TASP1: variants seen among roughly 807,000 people sequenced by gnomAD.
The protein encoded by TASP1 is taspase 1, also known as threonine aspartase 1.
A neutral mutation model predicts 56.6 loss-of-function variants in TASP1; 16 were observed. That is an observed-to-expected ratio of 0.28 (90% confidence interval 0.19 to 0.43). The LOEUF (loss-of-function observed/expected upper bound fraction) is 0.43, where lower values mean the gene tolerates loss of function less well. Ranked by LOEUF, TASP1 falls within the 20% of genes least tolerant of loss-of-function variation. The pLI is 1.00. For missense variants in TASP1, 393 were observed against 511.6 expected (o/e 0.77, Z 2.24); for synonymous variants, 179 against 184.2 (o/e 0.97, Z 0.23).
chr20:13,140,304 G>T, the TASP1 span, among the ~76,000 whole-genome samples: 1 of 152,248 alleles, frequency 6.6e-6, no homozygotes, highest in East Asian at 1.9e-4. Flanking sequence ...GAGTTTGAGT[G>T]CACCCCAGTC....
intron 12 of TASP1, among the ~76,000 whole-genome samples, chr20:13,423,010 A>T (rs75325692): frequency 0.037 from 5,675 of 152,322 alleles, 132 homozygotes; most frequent in African/African-American, 0.058. Context: ...TAGCAATTCT[A>T]TTTCTAGATA....
At chr20:13,534,470 T>C (rs551395622) in intron 8 of TASP1, among the ~76,000 whole-genome samples, 2 of 152,272 alleles carry the variant, frequency 1.3e-5, no homozygotes, top group East Asian at 3.9e-4. Context: ...TTCTCAAGAA[T>C]TAAGTTCATG....
intron 11 of TASP1, among the ~76,000 whole-genome samples, chr20:13,447,570 T>C (rs1048324542): frequency 1.6e-4 from 24 of 152,238 alleles, no homozygotes; most frequent in Non-Finnish European, 1.8e-4. Flanking sequence ...CTTCAGACTT[T>C]GTGCCTGAAA....
At chr20:13,117,380 A>G in the TASP1 span, 1 of 884,858 alleles carries the variant, frequency 1.1e-6, no homozygotes, top group Non-Finnish European at 1.6e-6. Flanking sequence ...GCCAAATAAA[A>G]CATGCCTTCA....
chr20:13,239,852 A>T, the TASP1 span, among the ~76,000 whole-genome samples: 1 of 152,166 alleles, frequency 6.6e-6, no homozygotes, highest in Non-Finnish European at 1.5e-5. Flanking sequence ...CCAGTACCAG[A>T]CTCCAAAGCA....
At chr20:13,472,355 A>G (rs1301016572) in intron 11 of TASP1, among the ~76,000 whole-genome samples, 2 of 151,096 alleles carry the variant, frequency 1.3e-5, no homozygotes, top group Admixed American at 1.3e-4. Context: ...AAAGACTTAA[A>G]TGTTAGACCT....
chr20:13,452,524 A>C (rs1028916849), intron 11 of TASP1, among the ~76,000 whole-genome samples: 2 of 152,156 alleles, frequency 1.3e-5, no homozygotes, highest in Admixed American at 1.3e-4. Flanking sequence ...TTATATATAC[A>C]AATTCATATA....
Position 13,511,446 on chromosome 20 carries a change from C to T in TASP1, c.874+16987G>A, listed in dbSNP as rs146428244. ...TTCTTATTATTGAAGCCAATTTGTG[C>T]TGTAATTTCCGTTAACTGCAACCCA... On this transcript the variant is annotated intron_variant, in intron 10 of 13. Transcript: ENST00000337743. Among the ~76,000 whole-genome samples, 6 of 152,074 alleles carry T rather than the reference C, an allele frequency of 3.9e-5. No individual in the cohort carries two copies. In the South Asian group the frequency reaches 1.2e-3, roughly 31 times the overall value.
the TASP1 span, among the ~76,000 whole-genome samples, chr20:13,209,496 G>A: frequency 1.3e-5 from 2 of 152,076 alleles, no homozygotes; most frequent in Non-Finnish European, 2.9e-5. Flanking sequence ...AATTCTTTCT[G>A]TAAACCTCAG....
the TASP1 span, among the ~76,000 whole-genome samples, chr20:13,227,895 A>G: frequency 6.6e-6 from 1 of 151,720 alleles, no homozygotes; most frequent in African/African-American, 2.4e-5. Context: ...GTTTTATTAT[A>G]CTACCAATAA....
At chr20:13,236,914 G>A in the TASP1 span, among the ~76,000 whole-genome samples, 1 of 152,186 alleles carries the variant, frequency 6.6e-6, no homozygotes, top group African/African-American at 2.4e-5. Context: ...TGCTTTCAGG[G>A]GCTGGCATTG....
At chr20:13,191,694 T>A in the TASP1 span, among the ~76,000 whole-genome samples, 1 of 152,154 alleles carries the variant, frequency 6.6e-6, no homozygotes, top group African/African-American at 2.4e-5. Context: ...GTGACTACAG[T>A]TAACAACAAT....
chr20:13,273,792 C>G, the TASP1 span, among the ~76,000 whole-genome samples: 1 of 152,294 alleles, frequency 6.6e-6, no homozygotes, highest in Non-Finnish European at 1.5e-5. Flanking sequence ...ACATTTTTGC[C>G]TACTGCCCAG....
the TASP1 span, among the ~76,000 whole-genome samples, chr20:13,217,021 C>A: frequency 6.6e-6 from 1 of 152,164 alleles, no homozygotes; most frequent in Non-Finnish European, 1.5e-5. Context: ...GAACAGCCTC[C>A]ACCACAATCC....
chr20:13,404,862 A>G (rs2041859685), intron 13 of TASP1, among the ~76,000 whole-genome samples: 1 of 152,168 alleles, frequency 6.6e-6, no homozygotes, highest in Admixed American at 6.6e-5. Context: ...CTCTGTTCAG[A>G]AATAATCCTT....
chr20:13,258,481 C>T, the TASP1 span, among the ~76,000 whole-genome samples: 1 of 152,154 alleles, frequency 6.6e-6, no homozygotes, highest in Admixed American at 6.5e-5. Flanking sequence ...TAGTTACCCA[C>T]TTGGAGGGTG....
the TASP1 span, chr20:13,292,336 A>G: frequency 1.5e-6 from 2 of 1,345,240 alleles, no homozygotes; most frequent in Non-Finnish European, 2.1e-6. Flanking sequence ...AACTTTTTCC[A>G]TGTAATGATG....
At chr20:13,179,427 G>T in the TASP1 span, among the ~76,000 whole-genome samples, 1 of 151,884 alleles carries the variant, frequency 6.6e-6, no homozygotes, top group African/African-American at 2.4e-5. Context: ...GTGTGTGTGT[G>T]TGTGTGTGTG....
intron 9 of TASP1, among the ~76,000 whole-genome samples, chr20:13,532,086 C>A (rs1489095564): frequency 6.6e-6 from 1 of 152,000 alleles, no homozygotes; most frequent in Non-Finnish European, 1.5e-5. Context: ...CTCACCTTCT[C>A]TACTTCTCTA....
Sources: allele counts gnomAD v4.1 joint callset (sites outside exome capture counted in the v4.1 genomes callset), GRCh38; gene constraint gnomAD v4.1.1; transcripts MANE v1.5; gene names NCBI Gene and HGNC (gene_info 2026-07-23, HGNC 2026-07-21).